SOX5: variants seen among roughly 807,000 people sequenced by gnomAD.
SOX5 encodes SRY-box transcription factor 5.
A neutral mutation model predicts 92.0 loss-of-function variants in SOX5; 9 were observed. The observed-to-expected ratio is 0.10, with a 90% confidence interval of 0.06 to 0.17. The LOEUF (loss-of-function observed/expected upper bound fraction) is 0.17, where lower values mean the gene tolerates loss of function less well. SOX5 is among the 10% of genes least tolerant of loss of function. The pLI, the probability that SOX5 is intolerant of heterozygous loss-of-function variation, is 1.00. For synonymous variants in SOX5, 344 were observed against 336.3 expected (o/e 1.02, Z -0.25); for missense variants, 642 against 944.5 (o/e 0.68, Z 4.20).
intron 4 of SOX5, among the ~76,000 whole-genome samples, chr12:24,147,840 TA>T (rs954242336): frequency 3.3e-5 from 5 of 152,154 alleles, no homozygotes; most frequent in Admixed American, 2.6e-4. Flanking sequence ...AGGATTAATC[TA>T]AAAAATGTAT....
intron 4 of SOX5, among the ~76,000 whole-genome samples, chr12:24,008,151 A>G (rs1952521745): frequency 2.0e-5 from 3 of 152,166 alleles, no homozygotes; most frequent in African/African-American, 7.2e-5. Context: ...GATCCAAAAC[A>G]TTCGAGATAA....
chr12:23,732,601 C>T (rs1459265023), intron 6 of SOX5, among the ~76,000 whole-genome samples: 1 of 152,118 alleles, frequency 6.6e-6, no homozygotes, highest in Non-Finnish European at 1.5e-5. Context: ...ACATATATAA[C>T]TCAATATCTC....
At chr12:23,958,182 T>C (rs1946492160) in intron 4 of SOX5, among the ~76,000 whole-genome samples, 1 of 152,084 alleles carries the variant, frequency 6.6e-6, no homozygotes, top group Admixed American at 6.6e-5. Flanking sequence ...AACTTCAGAT[T>C]TACTCAGTTT....
chr12:24,522,545 A>G (rs7296354), intron 1 of SOX5, among the ~76,000 whole-genome samples: 86,701 of 151,956 alleles, frequency 0.57, 25,914 homozygotes, highest in East Asian at 0.97. Flanking sequence ...AGCAAATCAA[A>G]CTCAACAGCA....
chr12:24,160,679 A>G (rs1334686607), intron 4 of SOX5, among the ~76,000 whole-genome samples: 1 of 152,066 alleles, frequency 6.6e-6, no homozygotes, highest in Non-Finnish European at 1.5e-5. Context: ...GTGACACTTG[A>G]GTAATGTAGT....
chr12:23,882,399 A>G (rs1252163637), intron 2 of SOX5, among the ~76,000 whole-genome samples: 1 of 152,062 alleles, frequency 6.6e-6, no homozygotes, highest in Non-Finnish European at 1.5e-5. Context: ...GGTAATAAAC[A>G]CAAACCCCCG....
intron 4 of SOX5, among the ~76,000 whole-genome samples, chr12:23,983,961 A>G (rs1949832650): frequency 6.6e-6 from 1 of 152,172 alleles, no homozygotes; most frequent in Non-Finnish European, 1.5e-5. Context: ...AATCCACCTG[A>G]ATGATCTGAG....
rs895081083 is a variant in SOX5, at chr12:24,393,095, A to G, written c.-250-24456T>C. On this transcript the variant is annotated intron_variant, in intron 1 of 4. Transcript: ENST00000446891. The surrounding 1 kb of genome is among the most constrained non-coding windows in gnomAD (Gnocchi z 5.0). ...TTTTTTCTTTTCTATCTCAACCACC[A>G]CTCTCCCAATTATAATAAATGAATA... Among the ~76,000 whole-genome samples, 1 of 151,962 alleles carries G rather than the reference A, an allele frequency of 6.6e-6. No homozygotes were observed.
chr12:23,658,421 C>A (rs965731562), intron 7 of SOX5, among the ~76,000 whole-genome samples: 1 of 152,082 alleles, frequency 6.6e-6, no homozygotes, highest in African/African-American at 2.4e-5. Flanking sequence ...ATGTAACTAC[C>A]TCAAAAGGGA....
At chr12:24,080,990 C>T (rs1569536414) in intron 4 of SOX5, among the ~76,000 whole-genome samples, 1 of 151,896 alleles carries the variant, frequency 6.6e-6, no homozygotes, top group Non-Finnish European at 1.5e-5. Flanking sequence ...TTATTTTAGC[C>T]TGCTCTCTGT....
intron 2 of SOX5, among the ~76,000 whole-genome samples, chr12:24,331,840 G>T (rs2140989385): frequency 2.1e-5 from 1 of 47,238 alleles, no homozygotes; most frequent in East Asian, 6.5e-4. Flanking sequence ...AACAGAGCAA[G>T]ACTGTCTCAA....
intron 1 of SOX5, among the ~76,000 whole-genome samples, chr12:24,385,753 C>G (rs537139070): frequency 6.6e-6 from 1 of 151,720 alleles, no homozygotes; most frequent in Non-Finnish European, 1.5e-5. Context: ...GCAGGGGCAA[C>G]GTAGTGAAAT....
At chr12:24,195,271 A>G (rs1760520551) in intron 4 of SOX5, among the ~76,000 whole-genome samples, 1 of 152,062 alleles carries the variant, frequency 6.6e-6, no homozygotes, top group Admixed American at 6.6e-5. Flanking sequence ...AAATCACCAA[A>G]TTTTTCATAA....
intron 8 of SOX5, among the ~76,000 whole-genome samples, chr12:23,609,326 T>A (rs1442897493): frequency 6.6e-6 from 1 of 152,144 alleles, no homozygotes; most frequent in African/African-American, 2.4e-5. Context: ...CCACTGACTG[T>A]TTGAGAGCAA....
At chr12:23,918,471 A>G (rs1262218090) in intron 1 of SOX5, among the ~76,000 whole-genome samples, 2 of 152,252 alleles carry the variant, frequency 1.3e-5, no homozygotes, top group East Asian at 3.8e-4. Flanking sequence ...TAAAAATGAG[A>G]TCGAAAATTT....
intron 3 of SOX5, among the ~76,000 whole-genome samples, chr12:23,815,902 C>T (rs571316434): frequency 6.6e-6 from 1 of 152,238 alleles, no homozygotes; most frequent in East Asian, 1.9e-4. Context: ...TTAAGCTTTG[C>T]AGGCTGTACT....
In SOX5 at chr12:24,156,469, T is replaced by A. The variant is rs187743088; in HGVS notation, c.-2+56874A>T. ...CCTTGGAAAGCAAGACTTGTTACCA[T>A]TTTACTTTTCTCCTCCTTGACATTT... On this transcript the variant is annotated intron_variant, in intron 4 of 4. Coordinates refer to the SOX5 transcript ENST00000446891. Among the ~76,000 whole-genome samples, 586 of 152,254 alleles carry A rather than the reference T, an allele frequency of 3.8e-3. 9 individuals are homozygous for A. The highest frequency in any genetic ancestry group is 3.7e-3 in the Non-Finnish European group (249 of 67,990).
chr12:24,041,338 A>G (rs1400699429), intron 4 of SOX5, among the ~76,000 whole-genome samples: 1 of 152,196 alleles, frequency 6.6e-6, no homozygotes, highest in Non-Finnish European at 1.5e-5. Context: ...TGATGAGGAT[A>G]CTGAAATTAT....
chr12:23,630,329 A>G (rs1356402213), intron 8 of SOX5, among the ~76,000 whole-genome samples: 1 of 151,958 alleles, frequency 6.6e-6, no homozygotes, highest in Non-Finnish European at 1.5e-5. Flanking sequence ...ACTACCCTTC[A>G]TGTAACTGCC....
Sources: gnomAD v4.1 joint callset for allele counts (sites outside exome capture counted in the v4.1 genomes callset) on GRCh38, gnomAD v4.1.1 for gene constraint, Gnocchi (gnomAD v3.1) non-coding constraint, MANE v1.5 for transcripts, NCBI Gene and HGNC (gene_info 2026-07-23, HGNC 2026-07-21) for gene names.